LRRIQ3: variants seen among roughly 807,000 people sequenced by gnomAD.
The protein encoded by LRRIQ3 is leucine rich repeats and IQ motif containing 3.
In LRRIQ3, 75 loss-of-function variants were observed where a neutral mutation model predicts 59.3. That is an observed-to-expected ratio of 1.26 (90% CI 1.05 to 1.53). LRRIQ3 has a LOEUF of 1.53. LRRIQ3 is among the 40% of genes most tolerant of loss of function. The pLI, the probability that LRRIQ3 is intolerant of heterozygous loss-of-function variation, is 0.00. For missense variants in LRRIQ3, 831 were observed against 710.0 expected (o/e 1.17, Z -1.94); for synonymous variants, 250 against 231.3 (o/e 1.08, Z -0.73).
chr1:74,111,385 G>C (rs2343864), intron 4 of LRRIQ3, among the ~76,000 whole-genome samples: 64,829 of 151,758 alleles, frequency 0.43, 15,374 homozygotes, highest in East Asian at 0.77. Flanking sequence ...ATTCCAGTCA[G>C]AGCAAATACC....
intron 7 of LRRIQ3, among the ~76,000 whole-genome samples, chr1:74,040,509 C>G (rs1654011981): frequency 6.6e-6 from 1 of 152,198 alleles, no homozygotes; most frequent in African/African-American, 2.4e-5. Context: ...TGCCACATGG[C>G]ACTTATTCTA....
At position 74,173,393 on chromosome 1, in the gene LRRIQ3, G is replaced by A. The variant is rs188812804; in HGVS notation, c.573+9145C>T. On this transcript the variant is annotated intron_variant, in intron 3 of 7. Coordinates refer to ENST00000354431, the MANE Select transcript of LRRIQ3 (RefSeq NM_001105659.2). The stretch of plus-strand genomic sequence containing the variant: ...AATAATTATTAATAGTAAGGCTAAT[G>A]ATTACCATTTTATTGTTTTGTTTTG... Among the ~76,000 whole-genome samples, 388 of 151,058 alleles carry A rather than the reference G, an allele frequency of 2.6e-3. 1 individual carries two copies. Among genetic ancestry groups the A allele is most frequent in the Non-Finnish European group, 4.1e-3 (278 of 67,812 alleles).
chr1:74,133,141 G>A lies in LRRIQ3; in HGVS notation c.707+22592C>T, dbSNP rs1647054719. On this transcript the variant is annotated intron_variant, in intron 4 of 7. Transcript: ENST00000354431. ...CATCATCACTGGCCATCAGAGAAATGCAAATCAAAAACACAATGAGATACC... is the reference window on the plus strand; with the variant it reads ...CATCATCACTGGCCATCAGAGAAATACAAATCAAAAACACAATGAGATACC... Among the ~76,000 whole-genome samples, 3 of 152,230 alleles carry A rather than the reference G, an allele frequency of 2.0e-5. No individual in the cohort carries two copies. The South Asian group carries it at 6.2e-4, about 32-fold the overall frequency.
At chr1:74,192,740 T>A (rs1026178108) in intron 1 of LRRIQ3, among the ~76,000 whole-genome samples, 15 of 152,210 alleles carry the variant, frequency 9.9e-5, no homozygotes, top group African/African-American at 3.6e-4. Flanking sequence ...AAAGGAAAGA[T>A]TAACATGAGT....
intron 5 of LRRIQ3, among the ~76,000 whole-genome samples, chr1:74,098,251 C>T (rs1409102004): frequency 6.6e-6 from 1 of 152,018 alleles, no homozygotes; most frequent in South Asian, 2.1e-4. Context: ...GCAGGGGTTG[C>T]AATCCTAATC....
chr1:74,159,859 C>T (rs1267941893), intron 3 of LRRIQ3, among the ~76,000 whole-genome samples: 1 of 152,032 alleles, frequency 6.6e-6, no homozygotes, highest in Non-Finnish European at 1.5e-5. Flanking sequence ...GTCATAAAAA[C>T]GATTCTTCGT....
chr1:74,029,226 C>T (rs570854622), intron 7 of LRRIQ3, among the ~76,000 whole-genome samples: 1 of 152,048 alleles, frequency 6.6e-6, no homozygotes, highest in Non-Finnish European at 1.5e-5. Flanking sequence ...TGCCTGCTTG[C>T]CCTGGCCAGA....
At chr1:74,103,268 G>A (rs546435394) in intron 5 of LRRIQ3, among the ~76,000 whole-genome samples, 12 of 151,982 alleles carry the variant, frequency 7.9e-5, no homozygotes, top group Middle Eastern at 3.4e-3. Flanking sequence ...TCCCCTACAA[G>A]TTCCAGCATA....
intron 4 of LRRIQ3, among the ~76,000 whole-genome samples, chr1:74,120,796 C>A (rs1646844193): frequency 2.0e-5 from 3 of 151,938 alleles, no homozygotes; most frequent in Non-Finnish European, 4.4e-5. Context: ...TATTAAGTTA[C>A]TTTTCGGGCA....
intron 5 of LRRIQ3, among the ~76,000 whole-genome samples, chr1:74,106,646 T>C (rs1278569514): frequency 6.6e-6 from 1 of 151,984 alleles, no homozygotes; most frequent in Admixed American, 6.6e-5. Context: ...GGTATTAGTG[T>C]GTTTGCTATT....
At position 74,152,141 on chromosome 1, in the gene LRRIQ3, A is replaced by G. The variant is rs536641786; in HGVS notation, c.707+3592T>C. ...AAAAAGATAGCAAGAAAATTATATA[A>G]GACATGTAAGAGAAAATTTAGAAAT... On this transcript the variant is annotated intron_variant, in intron 4 of 7. Transcript: ENST00000354431. Among the ~76,000 whole-genome samples the G allele has an allele frequency of 6.6e-5, 10 of 152,106 alleles. 1 individual carries two copies. In the South Asian group the frequency reaches 2.1e-3, roughly 32 times the overall value.
intron 5 of LRRIQ3, chr1:74,095,121 T>G (rs752780905): frequency 2.0e-5 from 3 of 152,158 alleles, no homozygotes; most frequent in African/African-American, 4.8e-5. Flanking sequence ...TTTCCTCTTC[T>G]TTCTGGCAGG....
chr1:74,087,022 C>T (rs560497301), intron 5 of LRRIQ3, among the ~76,000 whole-genome samples: 2 of 152,042 alleles, frequency 1.3e-5, no homozygotes, highest in Non-Finnish European at 2.9e-5. Context: ...AATAGCAATC[C>T]TAACATTTGG....
chr1:74,106,435 C>T (rs1443214327), intron 5 of LRRIQ3, among the ~76,000 whole-genome samples: 1 of 151,886 alleles, frequency 6.6e-6, no homozygotes, highest in East Asian at 1.9e-4. Context: ...GGAAATGCCC[C>T]CATCTATTTC....
intron 4 of LRRIQ3, among the ~76,000 whole-genome samples, chr1:74,124,628 A>T (rs1646909147): frequency 6.6e-6 from 1 of 152,030 alleles, no homozygotes; most frequent in East Asian, 1.9e-4. Flanking sequence ...TCTTTCTCCA[A>T]TGCATGTTCT....
At position 74,094,090 on chromosome 1, in the gene LRRIQ3, A is replaced by G. The variant is rs919059301; in HGVS notation, c.867+15304T>C. Among the ~76,000 whole-genome samples the G allele has an allele frequency of 3.6e-4, 55 of 151,954 alleles. 2 individuals are homozygous for G. Among genetic ancestry groups the G allele is most frequent in the Non-Finnish European group, 1.6e-4 (11 of 67,968 alleles). On this transcript the variant is annotated intron_variant, in intron 5 of 7. Transcript: ENST00000354431. ...CAACCTTCTCACTATGTCCTGATAT[A>G]GTCTTTCCTCAGTATGTGCACATGG...
intron 5 of LRRIQ3, among the ~76,000 whole-genome samples, chr1:74,100,570 A>T (rs531681973): frequency 6.6e-6 from 1 of 152,308 alleles, no homozygotes; most frequent in South Asian, 2.1e-4. Flanking sequence ...TCAAGTTCAT[A>T]TGGAACCAAA....
chr1:74,173,521 GT>G (rs530424282), intron 3 of LRRIQ3, among the ~76,000 whole-genome samples: 1 of 151,258 alleles, frequency 6.6e-6, no homozygotes, highest in Non-Finnish European at 1.5e-5. Context: ...TCTACCATAG[GT>G]TTTTTCTTTG....
intron 6 of LRRIQ3, among the ~76,000 whole-genome samples, chr1:74,049,193 G>C (rs933506439): frequency 6.6e-6 from 1 of 152,310 alleles, no homozygotes; most frequent in Non-Finnish European, 1.5e-5. Flanking sequence ...AATCCACTAA[G>C]TAAGAGGAGA....
Sources: gnomAD v4.1 joint callset for allele counts (sites outside exome capture counted in the v4.1 genomes callset) on GRCh38, gnomAD v4.1.1 for gene constraint, MANE v1.5 for transcripts, NCBI Gene and HGNC (gene_info 2026-07-23, HGNC 2026-07-21) for gene names.